NRXN3: variants seen among roughly 807,000 people sequenced by gnomAD.
The protein encoded by NRXN3 is neurexin III.
NRXN3 carries 32 observed loss-of-function variants against 137.6 expected under a neutral mutation model. The ratio of observed to expected loss-of-function variants is 0.23; its 90% CI spans 0.18 to 0.31. NRXN3 has a LOEUF of 0.31. Among genes scored for constraint, NRXN3 ranks in the 10% least tolerant of loss-of-function variants. The pLI, the probability that NRXN3 is intolerant of heterozygous loss-of-function variation, is 1.00. For synonymous variants in NRXN3, 798 were observed against 784.5 expected (o/e 1.02, Z -0.29); for missense variants, 1,574 against 2,062.5 (o/e 0.76, Z 4.59).
At chr14:79,527,869 G>A (rs1370316060) in intron 16 of NRXN3, among the ~76,000 whole-genome samples, 13 of 27,950 alleles carry the variant, frequency 4.7e-4, no homozygotes, top group Non-Finnish European at 7.0e-4. Flanking sequence ...AGACTCCTTC[G>A]CCAAAAAAAA....
chr14:79,534,336 AG>A (rs1180065113), intron 16 of NRXN3, among the ~76,000 whole-genome samples: 1 of 152,196 alleles, frequency 6.6e-6, no homozygotes, highest in East Asian at 1.9e-4. Context: ...CTTCGTTGTA[AG>A]GGGACTGAGG....
At chr14:78,671,528 A>G (rs2097935129) in intron 6 of NRXN3, among the ~76,000 whole-genome samples, 1 of 152,238 alleles carries the variant, frequency 6.6e-6, no homozygotes, top group Non-Finnish European at 1.5e-5. Flanking sequence ...CAATATATCA[A>G]CCTGCACATG....
intron 20 of NRXN3, among the ~76,000 whole-genome samples, chr14:79,829,269 T>C (rs1260850125): frequency 3.3e-5 from 5 of 152,216 alleles, no homozygotes; most frequent in Non-Finnish European, 7.3e-5. Flanking sequence ...AGAAAGGAAA[T>C]TTCAGGAAAT....
intron 16 of NRXN3, among the ~76,000 whole-genome samples, chr14:79,636,047 G>A (rs565200350): frequency 6.6e-6 from 1 of 152,202 alleles, no homozygotes; most frequent in South Asian, 2.1e-4. Context: ...TTTGGGTAGG[G>A]ACAACCACAT....
chr14:78,567,815 C>A (rs1303443536), intron 4 of NRXN3, among the ~76,000 whole-genome samples: 1 of 150,152 alleles, frequency 6.7e-6, no homozygotes, highest in Non-Finnish European at 1.5e-5. Context: ...TCTAAGTGCA[C>A]AGGAATATGG....
intron 15 of NRXN3, among the ~76,000 whole-genome samples, chr14:79,409,335 ATAT>A (rs2095371102): frequency 6.6e-6 from 1 of 151,638 alleles, no homozygotes; most frequent in African/African-American, 2.4e-5. Context: ...GTGTATATAT[ATAT>A]GTAGCATACT....
At chr14:78,271,114 C>T (rs2072657138) in intron 2 of NRXN3, among the ~76,000 whole-genome samples, 1 of 152,248 alleles carries the variant, frequency 6.6e-6, no homozygotes, top group Non-Finnish European at 1.5e-5. Flanking sequence ...AGACAAACTT[C>T]AGGTCTGTTA....
intron 15 of NRXN3, among the ~76,000 whole-genome samples, chr14:79,143,021 T>A (rs1473614484): frequency 6.6e-6 from 1 of 152,222 alleles, no homozygotes; most frequent in Non-Finnish European, 1.5e-5. Flanking sequence ...ATTTGCCATC[T>A]TGTTTTACAA....
At chr14:79,209,675 C>G (rs895304316) in intron 15 of NRXN3, among the ~76,000 whole-genome samples, 8 of 152,132 alleles carry the variant, frequency 5.3e-5, no homozygotes, top group Admixed American at 1.3e-4. Flanking sequence ...CCCATTATAA[C>G]GTATGCTTCT....
intron 15 of NRXN3, among the ~76,000 whole-genome samples, chr14:79,411,799 G>A (rs771070057): frequency 6.6e-5 from 10 of 152,202 alleles, no homozygotes; most frequent in African/African-American, 1.2e-4. Flanking sequence ...ATTCTAGACC[G>A]TATAGTGGAT....
At chr14:79,302,975 T>C (rs777255812) in intron 15 of NRXN3, among the ~76,000 whole-genome samples, 11 of 151,908 alleles carry the variant, frequency 7.2e-5, no homozygotes, top group Admixed American at 2.6e-4. Context: ...ACCTCCAATG[T>C]TGGGGATCAC....
chr14:79,069,143 T>TC (rs1343942851), intron 15 of NRXN3, among the ~76,000 whole-genome samples: 1 of 152,050 alleles, frequency 6.6e-6, no homozygotes, highest in Non-Finnish European at 1.5e-5. Context: ...TGAAAGGCTG[T>TC]GAGATGAAAT....
chr14:79,336,459 C>A (rs1311608595), intron 15 of NRXN3, among the ~76,000 whole-genome samples: 1 of 152,140 alleles, frequency 6.6e-6, no homozygotes, highest in Non-Finnish European at 1.5e-5. Flanking sequence ...CTTTACAGAT[C>A]TGGTGTCAGT....
intron 15 of NRXN3, among the ~76,000 whole-genome samples, chr14:79,433,837 C>A (rs78705371): frequency 0.028 from 4,289 of 152,218 alleles, 200 homozygotes; most frequent in African/African-American, 0.098. Flanking sequence ...TATTTAGAAG[C>A]CTTTAACTGT....
At chr14:78,315,413 T>G (rs2078590222) in intron 4 of NRXN3, among the ~76,000 whole-genome samples, 1 of 152,220 alleles carries the variant, frequency 6.6e-6, no homozygotes, top group South Asian at 2.1e-4. Flanking sequence ...GCCTCAGAAC[T>G]GTAGGACCTG....
chr14:78,908,999 C>T (rs763663496), intron 10 of NRXN3, among the ~76,000 whole-genome samples: 2 of 152,100 alleles, frequency 1.3e-5, no homozygotes, highest in Non-Finnish European at 2.9e-5. Flanking sequence ...AGGTTATTAA[C>T]AGCGGAAACA....
chr14:79,389,052 A>G (rs1276621672), intron 15 of NRXN3, among the ~76,000 whole-genome samples: 4 of 152,116 alleles, frequency 2.6e-5, no homozygotes, highest in African/African-American at 4.8e-5. Context: ...TTTTCTTTAT[A>G]AATTACCTAG....
At position 78,352,803 on chromosome 14, in the gene NRXN3, C is replaced by G. The variant is rs533282302; in HGVS notation, c.757+54943C>G. Among the ~76,000 whole-genome samples, 444 of 152,306 alleles carry G rather than the reference C, an allele frequency of 2.9e-3. 1 individual carries two copies. Among genetic ancestry groups the G allele is most frequent in the Middle Eastern group, 0.02 (6 of 294 alleles). ...AGAGCACGGCTATCAGCTGGGCAGG[C>G]CCTTGAGGGGCTTGCTGTCATCAGG... is the stretch of plus-strand genomic sequence containing the variant. On this transcript the variant is annotated intron_variant, in intron 4 of 20. Coordinates refer to ENST00000335750, the MANE Select transcript of NRXN3 (RefSeq NM_001330195.2).
chr14:79,861,639 C>T lies in NRXN3; in HGVS notation c.4391C>T (p.Pro1464Leu), dbSNP rs755306627. The T allele has an allele frequency of 1.9e-6, 3 of 1,614,146 alleles. No individual in the cohort carries two copies. The highest frequency in any genetic ancestry group is 1.1e-5 in the South Asian group (1 of 91,082). The stretch of plus-strand genomic sequence containing the variant: ...CTGAAGAGCCCACTAATTACTTCCC[C>T]CATGTTCCGTAATGTGCCCACAGCA... ...TKLKSPLITS[P>L]MFRNVPTANP... Residue 1464 changes from proline (P) to leucine (L), a missense_variant, in exon 21 of 21, where the codon CCC becomes CTC. Pro to Leu is a moderately conservative substitution (Grantham distance 98, BLOSUM62 -3). Transcript: ENST00000335750. The surrounding 1 kb of genome is among the most constrained non-coding windows in gnomAD (Gnocchi z 5.4).
Sources: gnomAD v4.1 joint callset for allele counts (sites outside exome capture counted in the v4.1 genomes callset) on GRCh38, gnomAD v4.1.1 for gene constraint, Gnocchi (gnomAD v3.1) non-coding constraint, MANE v1.5 for transcripts, NCBI Gene and HGNC (gene_info 2026-07-23, HGNC 2026-07-21) for gene names.